The following ANKS1B variants were observed in gnomAD, a reference collection of about 807,000 sequenced individuals.
The protein encoded by ANKS1B is ankyrin repeat and sterile alpha motif domain-containing protein 1B.
ANKS1B carries 36 observed loss-of-function variants against 148.3 expected under a neutral mutation model. The observed-to-expected ratio is 0.24, with a 90% CI of 0.19 to 0.32. ANKS1B has a LOEUF of 0.32. Among genes scored for constraint, ANKS1B ranks in the 10% least tolerant of loss-of-function variants. The pLI is 1.00. For missense variants in ANKS1B, 1,157 were observed against 1,542.6 expected, an observed-to-expected ratio of 0.75 and a Z score of 4.19; for synonymous variants, 542 against 560.8, an observed-to-expected ratio of 0.97 and a Z score of 0.47.
chr12:99,162,565 C>A (rs192474610), intron 14 of ANKS1B, among the ~76,000 whole-genome samples: 1 of 152,068 alleles, frequency 6.6e-6, no homozygotes, highest in East Asian at 1.9e-4. Context: ...ATCATCCATC[C>A]TCCCTGCAAG....
At chr12:98,874,288 C>G in intron 17 of ANKS1B, among the ~76,000 whole-genome samples, 1 of 151,502 alleles carries the variant, frequency 6.6e-6, no homozygotes, top group South Asian at 2.1e-4. Flanking sequence ...AATAAGAAGC[C>G]GAGCTTTATG....
At chr12:99,480,243 A>G (rs1000745231) in intron 10 of ANKS1B, among the ~76,000 whole-genome samples, 2 of 151,902 alleles carry the variant, frequency 1.3e-5, no homozygotes, top group African/African-American at 4.8e-5. Flanking sequence ...CTTCTCACTA[A>G]TAAGCTCTTC....
At chr12:98,741,249 C>A (rs896146773), downstream of ANKS1B, among the ~76,000 whole-genome samples, 1 of 152,148 alleles carries the variant, frequency 6.6e-6, no homozygotes, top group African/African-American at 2.4e-5. Context: ...ACCCACTCAC[C>A]CCAGCTACAA....
chr12:99,134,643 T>TCACACACA (rs1344848028), intron 15 of ANKS1B, among the ~76,000 whole-genome samples: 3 of 83,086 alleles, frequency 3.6e-5, no homozygotes, highest in African/African-American at 5.1e-5. Flanking sequence ...TCTCTCTCTC[T>TCACACACA]CTCACACACA....
chr12:99,487,138 T>C (rs1259758049), intron 10 of ANKS1B, among the ~76,000 whole-genome samples: 1 of 152,218 alleles, frequency 6.6e-6, no homozygotes, highest in Non-Finnish European at 1.5e-5. Flanking sequence ...GATCTGGTGC[T>C]CAAGGCCTGC....
Position 99,835,646 on chromosome 12 carries a change from T to C in ANKS1B, c.135-10257A>G, listed in dbSNP as rs1158085929. On this transcript the variant is annotated intron_variant, in intron 1 of 26. Transcript: ENST00000683438. Reference sequence around the variant, plus strand: ...AATATTGGTGTTTATTTTACACTTATAGCACATCACAATTAGGACTAGCCA... The same window carrying C: ...AATATTGGTGTTTATTTTACACTTACAGCACATCACAATTAGGACTAGCCA... Among the ~76,000 whole-genome samples, 9 of 152,336 alleles carry C rather than the reference T, an allele frequency of 5.9e-5. No homozygotes were observed. In the East Asian group the frequency reaches 9.6e-4, roughly 16 times the overall value.
At chr12:98,950,294 C>T (rs963175526) in intron 17 of ANKS1B, among the ~76,000 whole-genome samples, 1 of 152,088 alleles carries the variant, frequency 6.6e-6, no homozygotes, top group Non-Finnish European at 1.5e-5. Context: ...GTCAGGAGTT[C>T]GAGACCAGCC....
intron 2 of ANKS1B, among the ~76,000 whole-genome samples, chr12:99,819,771 A>G (rs543439549): frequency 4.5e-4 from 69 of 151,702 alleles, no homozygotes; most frequent in Non-Finnish European, 7.4e-4. Flanking sequence ...TCACAGGGAA[A>G]GATAAGATTA....
At chr12:99,058,289 GCT>G (rs141065421) in intron 16 of ANKS1B, among the ~76,000 whole-genome samples, 1,577 of 149,360 alleles carry the variant, frequency 0.011, 28 homozygotes, top group African/African-American at 0.037. Flanking sequence ...GGGCACCCAG[GCT>G]GGAATGCAGT....
At chr12:99,982,201 T>G (rs1359789415) in intron 1 of ANKS1B, among the ~76,000 whole-genome samples, 2 of 152,110 alleles carry the variant, frequency 1.3e-5, no homozygotes, top group Non-Finnish European at 2.9e-5. Flanking sequence ...GAGCTACTAC[T>G]ACTACTACTA....
At chr12:99,492,715 T>C (rs2096566816) in intron 10 of ANKS1B, among the ~76,000 whole-genome samples, 1 of 152,194 alleles carries the variant, frequency 6.6e-6, no homozygotes, top group Non-Finnish European at 1.5e-5. Context: ...TCAATTAAGC[T>C]TCATCCCTGG....
intron 1 of ANKS1B, among the ~76,000 whole-genome samples, chr12:99,904,065 A>C (rs1211924967): frequency 2.0e-5 from 3 of 152,342 alleles, no homozygotes; most frequent in Admixed American, 2.0e-4. Context: ...TTTGCAGGCC[A>C]TAAGCCAATG....
intron 15 of ANKS1B, among the ~76,000 whole-genome samples, chr12:99,100,552 C>CA (rs1434843878): frequency 6.6e-6 from 1 of 152,178 alleles, no homozygotes; most frequent in South Asian, 2.1e-4. Flanking sequence ...TGTTTTGAGA[C>CA]AGAGTCTTGC....
At chr12:99,556,973 G>A (rs1428841378) in intron 9 of ANKS1B, among the ~76,000 whole-genome samples, 2 of 152,220 alleles carry the variant, frequency 1.3e-5, no homozygotes, top group Admixed American at 1.3e-4. Context: ...TTAGTCAAGT[G>A]TCAAGTTTAG....
intron 8 of ANKS1B, among the ~76,000 whole-genome samples, chr12:99,757,316 A>G (rs2061660259): frequency 6.6e-6 from 1 of 152,122 alleles, no homozygotes; most frequent in Non-Finnish European, 1.5e-5. Flanking sequence ...AAGAAGACAT[A>G]CATGCAGCCA....
At chr12:99,594,982 T>C (rs2097743564) in intron 9 of ANKS1B, among the ~76,000 whole-genome samples, 1 of 152,022 alleles carries the variant, frequency 6.6e-6, no homozygotes, top group Admixed American at 6.6e-5. Context: ...TAAGGTCAAG[T>C]GACTTTAAGT....
At chr12:99,874,165 C>T (rs12581603) in intron 1 of ANKS1B, among the ~76,000 whole-genome samples, 21,976 of 151,804 alleles carry the variant, frequency 0.14, 1,967 homozygotes, top group Non-Finnish European at 0.2. Context: ...ATCCAAATAA[C>T]TCTTAAAACT....
chr12:99,113,514 A>G (rs995144330), intron 15 of ANKS1B, among the ~76,000 whole-genome samples: 1 of 152,250 alleles, frequency 6.6e-6, no homozygotes, highest in Non-Finnish European at 1.5e-5. Flanking sequence ...CTCAATAAAC[A>G]TCTTTTAAAG....
intron 15 of ANKS1B, chr12:99,093,546 G>T (rs1392830032): frequency 6.6e-6 from 1 of 152,208 alleles, no homozygotes; most frequent in East Asian, 1.9e-4. Flanking sequence ...ATGAACGAAA[G>T]CAGAGGATGT....
Sources: gnomAD v4.1 joint callset for allele counts (sites outside exome capture counted in the v4.1 genomes callset) on GRCh38, gnomAD v4.1.1 for gene constraint, MANE v1.5 for transcripts, NCBI Gene and HGNC (gene_info 2026-07-23, HGNC 2026-07-21) for gene names.